Variants in PIEZO2 observed in about 807,000 individuals in gnomAD.
The protein encoded by PIEZO2 is piezo-type mechanosensitive ion channel component 2.
PIEZO2 carries 172 observed loss-of-function variants against 337.3 expected under a neutral mutation model. The observed-to-expected ratio is 0.51, with a 90% CI of 0.45 to 0.58. The LOEUF (loss-of-function observed/expected upper bound fraction) is 0.58. Ranked by LOEUF, PIEZO2 falls within the 20% of genes least tolerant of loss-of-function variation. PIEZO2 has a pLI of 0.00. For synonymous variants in PIEZO2, 1,251 were observed against 1,228.5 expected (o/e 1.02, Z -0.38); for missense variants, 3,028 against 3,391.3 (o/e 0.89, Z 2.66).
chr18:10,777,113 C>T (rs1279358924), intron 18 of PIEZO2, among the ~76,000 whole-genome samples: 1 of 152,202 alleles, frequency 6.6e-6, no homozygotes, highest in Admixed American at 6.5e-5. Flanking sequence ...TTCAATCAGG[C>T]TGCTTTGGAT....
At chr18:10,858,326 A>ACCCC (rs1407460944) in intron 5 of PIEZO2, among the ~76,000 whole-genome samples, 28 of 127,268 alleles carry the variant, frequency 2.2e-4, no homozygotes, top group African/African-American at 9.8e-4. Flanking sequence ...CAACCCAAAA[A>ACCCC]AAAAAAAAAA....
rs461422 is a variant in PIEZO2, at chr18:10,952,631, C to T, written c.286+26904G>A. ...AAGTTGCTTCCAGTTGGGGCAATGACGAATAAACCTGCTTTAAACATTTGC... is the reference window on the plus strand; with the variant it reads ...AAGTTGCTTCCAGTTGGGGCAATGATGAATAAACCTGCTTTAAACATTTGC... On this transcript the variant is annotated intron_variant, in intron 3 of 55. Coordinates refer to ENST00000674853, the MANE Select transcript of PIEZO2 (RefSeq NM_001378183.1). This position sits in a 1 kb window ranked among gnomAD's most constrained non-coding sequence, Gnocchi z 4.1. 0.42 allele frequency among the ~76,000 whole-genome samples: 64,327 copies of T among 151,990 alleles called. 14,468 individuals carry two copies. Among genetic ancestry groups the T allele is most frequent in the Non-Finnish European group, 0.51 (34,715 of 67,950 alleles).
At position 11,132,379 on chromosome 18, in the gene PIEZO2, G is replaced by C. The variant is rs561652693; in HGVS notation, c.64+16146C>G. Reference sequence around the variant, plus strand: ...CCCATCATTCTGAAGCAGGTGGATTGATAGAACGGTGGAATGGCCTTTTGA... The same window carrying C: ...CCCATCATTCTGAAGCAGGTGGATTCATAGAACGGTGGAATGGCCTTTTGA... On this transcript the variant is annotated intron_variant, in intron 1 of 55. Coordinates refer to ENST00000674853, the MANE Select transcript of PIEZO2 (RefSeq NM_001378183.1). This position sits in a 1 kb window ranked among gnomAD's most constrained non-coding sequence, Gnocchi z 4.7. 2.6e-5 allele frequency among the ~76,000 whole-genome samples: 4 copies of C among 152,292 alleles called. No individual in the cohort carries two copies. The highest frequency in any genetic ancestry group is 6.5e-5 in the Admixed American group (1 of 15,306).
Position 11,146,806 on chromosome 18 carries a change from C to T in PIEZO2, c.64+1719G>A, listed in dbSNP as rs147615293. ...CTCTTCCAACAGTCACAGTGAGCTG[C>T]TGTCCCTTGGAGAGCGGGATGGGGG... On this transcript the variant is annotated intron_variant, in intron 1 of 55. Coordinates refer to ENST00000674853, the MANE Select transcript of PIEZO2 (RefSeq NM_001378183.1). This position sits in a 1 kb window ranked among gnomAD's most constrained non-coding sequence, Gnocchi z 6.1. Among the ~76,000 whole-genome samples, 1,076 of 152,292 alleles carry T rather than the reference C, an allele frequency of 7.1e-3. 6 individuals carry two copies. Among genetic ancestry groups the T allele is most frequent in the Non-Finnish European group, 0.01 (701 of 68,006 alleles).
intron 7 of PIEZO2, among the ~76,000 whole-genome samples, chr18:10,814,267 TCCCATA>T (rs1194135371): frequency 2.0e-5 from 3 of 152,086 alleles, no homozygotes; most frequent in African/African-American, 7.2e-5. Flanking sequence ...CCGTGCCCCG[TCCCATA>T]CTTTTAATTT....
chr18:11,086,444 G>A (rs949368039), intron 1 of PIEZO2, among the ~76,000 whole-genome samples: 21 of 151,520 alleles, frequency 1.4e-4, no homozygotes, highest in Admixed American at 3.3e-4. Flanking sequence ...GCCTGAACCC[G>A]GGAGGCGGAG....
chr18:10,986,813 G>A (rs982324982), intron 2 of PIEZO2, among the ~76,000 whole-genome samples: 3 of 151,592 alleles, frequency 2.0e-5, no homozygotes, highest in African/African-American at 7.3e-5. Context: ...ATTATGTTTT[G>A]AAAAACCTAA....
chr18:10,995,091 A>G (rs1298172961), intron 2 of PIEZO2, among the ~76,000 whole-genome samples: 1 of 151,388 alleles, frequency 6.6e-6, no homozygotes, highest in African/African-American at 2.4e-5. Flanking sequence ...AAAAAAAAAA[A>G]AAAAAGAAAA....
Position 10,787,109 on chromosome 18 carries a change from T to C in PIEZO2, c.2245A>G (p.Ile749Val). 6.5e-7 allele frequency: 1 copy of C among 1,536,056 alleles called. No homozygotes were observed. Among genetic ancestry groups the C allele is most frequent in the East Asian group, 2.4e-5 (1 of 40,864 alleles). The part of the protein sequence containing the change: ...SVVIYTMLVL[I>V]FIYTYQFENF... ...TCAAACTGATATGTGTATATAAAGATAAGCACCAGCATAGTGTAAATAACC... is the reference window on the plus strand; with the variant it reads ...TCAAACTGATATGTGTATATAAAGACAAGCACCAGCATAGTGTAAATAACC... Residue 749 changes from isoleucine to valine, a missense_variant, in exon 16 of 56, where the codon ATC becomes GTC. By Grantham distance (29) the Ile-to-Val change is conservative. Transcript: ENST00000674853.
At chr18:10,838,941 C>T (rs2041105991) in intron 7 of PIEZO2, among the ~76,000 whole-genome samples, 1 of 152,142 alleles carries the variant, frequency 6.6e-6, no homozygotes, top group Admixed American at 6.5e-5. Context: ...ACTTCTATTA[C>T]CCACAAATAT....
intron 1 of PIEZO2, among the ~76,000 whole-genome samples, chr18:11,130,455 T>C (rs566121071): frequency 1.1e-4 from 17 of 152,364 alleles, no homozygotes; most frequent in Non-Finnish European, 1.9e-4. Flanking sequence ...CAGAGGTATA[T>C]CAAGTCTCCG....
At chr18:10,747,484 T>C (rs1024117055) in intron 30 of PIEZO2, among the ~76,000 whole-genome samples, 3 of 152,224 alleles carry the variant, frequency 2.0e-5, no homozygotes, top group Non-Finnish European at 4.4e-5. Context: ...TGAAACATTG[T>C]ATTCTGCTCT....
At position 10,993,066 on chromosome 18, in the gene PIEZO2, A is replaced by T. The variant is rs185225716; in HGVS notation, c.161-13406T>A. On this transcript the variant is annotated intron_variant, in intron 2 of 55. Transcript: ENST00000674853. The surrounding 1 kb of genome is among the most constrained non-coding windows in gnomAD (Gnocchi z 5.0). The stretch of plus-strand genomic sequence containing the variant: ...ATAGGAATGCTTGTGATTTTTGCAC[A>T]TTGATTTTGTATCCTGAGACTTTGC... Among the ~76,000 whole-genome samples, 17 of 152,272 alleles carry T rather than the reference A, an allele frequency of 1.1e-4. No homozygotes were observed. The highest frequency in any genetic ancestry group is 3.4e-3 in the Middle Eastern group (1 of 294).
At chr18:10,779,908 C>G (rs187069743) in intron 18 of PIEZO2, among the ~76,000 whole-genome samples, 1 of 152,020 alleles carries the variant, frequency 6.6e-6, no homozygotes, top group African/African-American at 2.4e-5. Flanking sequence ...TGGAGTGCTA[C>G]GGAGGTTCAG....
At chr18:10,693,002 T>C (rs775868921) in intron 47 of PIEZO2, among the ~76,000 whole-genome samples, 3 of 152,188 alleles carry the variant, frequency 2.0e-5, no homozygotes, top group Non-Finnish European at 4.4e-5. Context: ...AGTATTTTGA[T>C]GCATGAATTT....
At chr18:10,923,856 G>T (rs559152387) in intron 3 of PIEZO2, among the ~76,000 whole-genome samples, 2 of 152,278 alleles carry the variant, frequency 1.3e-5, no homozygotes, top group Middle Eastern at 3.4e-3. Context: ...TCCCTGCCAT[G>T]GGTCAGATAT....
chr18:10,898,820 T>C (rs764619114), intron 4 of PIEZO2, among the ~76,000 whole-genome samples: 2 of 152,074 alleles, frequency 1.3e-5, no homozygotes, highest in Non-Finnish European at 2.9e-5. Context: ...CTATCAGAGA[T>C]GCAAATCAGC....
intron 3 of PIEZO2, among the ~76,000 whole-genome samples, chr18:10,955,424 G>A (rs1041900820): frequency 6.6e-6 from 1 of 152,196 alleles, no homozygotes; most frequent in African/African-American, 2.4e-5. Context: ...AAGATTCTGA[G>A]GTGAGAGGTG....
rs561781469 is a variant in PIEZO2, at chr18:10,690,301, G to A, written c.7350-499C>T. 4.6e-5 allele frequency among the ~76,000 whole-genome samples: 7 copies of A among 152,278 alleles called. No individual in the cohort carries two copies. In the South Asian group the frequency reaches 6.2e-4, roughly 14 times the overall value. On this transcript the variant is annotated intron_variant, in intron 48 of 55. Transcript: ENST00000674853. The stretch of plus-strand genomic sequence containing the variant: ...GCTGGAGTACCACAGTGATGGTGTT[G>A]GCTCAGCCTCTGTGGTTCAGTTGTG...
Sources: gnomAD v4.1 joint callset for allele counts (sites outside exome capture counted in the v4.1 genomes callset) on GRCh38, gnomAD v4.1.1 for gene constraint, Gnocchi (gnomAD v3.1) non-coding constraint, MANE v1.5 for transcripts, NCBI Gene and HGNC (gene_info 2026-07-23, HGNC 2026-07-21) for gene names.